Variants in ZGRF1 observed in about 807,000 individuals in gnomAD.
ZGRF1 encodes the protein 5'-3' DNA helicase ZGRF1.
ZGRF1 carries 196 observed loss-of-function variants against 203.5 expected under a neutral mutation model. The ratio of observed to expected loss-of-function variants is 0.96; its 90% confidence interval spans 0.86 to 1.08. ZGRF1 has a LOEUF of 1.08. ZGRF1 is among the 50% of genes least tolerant of loss of function. ZGRF1 has a pLI of 0.00. For missense variants in ZGRF1, 2,326 were observed against 2,416.3 expected (o/e 0.96, Z 0.78); for synonymous variants, 809 against 841.3 (o/e 0.96, Z 0.66).
At chr4:112,564,861 ATTC>A (rs1742708515) in intron 16 of ZGRF1, 1 of 609,402 alleles carries the variant, frequency 1.6e-6, no homozygotes, top group Non-Finnish European at 3.0e-6. Flanking sequence ...CACATTATAA[ATTC>A]TTTTTACTGA....
chr4:112,614,566 C>A (rs1304417080), intron 6 of ZGRF1, among the ~76,000 whole-genome samples: 1 of 152,174 alleles, frequency 6.6e-6, no homozygotes, highest in Admixed American at 6.6e-5. Flanking sequence ...CAGTGGCTCA[C>A]GCCTATAATC....
intron 10 of ZGRF1, among the ~76,000 whole-genome samples, chr4:112,593,395 T>C (rs1748494899): frequency 6.6e-6 from 1 of 152,218 alleles, no homozygotes; most frequent in Admixed American, 6.5e-5. Context: ...CTTCTACCAC[T>C]GTGTCCATCC....
At chr4:112,565,029 T>G in intron 16 of ZGRF1, 1 of 1,031,134 alleles carries the variant, frequency 9.7e-7, no homozygotes, top group Non-Finnish European at 1.5e-6. Context: ...CAACCGGTGG[T>G]AAACCACCCA....
chr4:112,576,827 G>A (rs1011344214), intron 16 of ZGRF1, among the ~76,000 whole-genome samples: 4 of 152,068 alleles, frequency 2.6e-5, no homozygotes, highest in African/African-American at 9.7e-5. Flanking sequence ...GTGACAGGGA[G>A]AATGGAACCA....
intron 11 of ZGRF1, 38 bp downstream of exon 11, chr4:112,589,686 T>C: frequency 1.9e-6 from 3 of 1,579,280 alleles, no homozygotes; most frequent in Non-Finnish European, 1.7e-6. Context: ...TCATCTTAAA[T>C]GAATAGACAG....
intron 9 of ZGRF1, among the ~76,000 whole-genome samples, chr4:112,604,481 G>A (rs548261112): frequency 4.6e-5 from 7 of 152,158 alleles, no homozygotes; most frequent in Admixed American, 1.3e-4. Context: ...CTTGTGAGCA[G>A]AGATGTTTTG....
At chr4:112,603,434 A>C (rs1214901691) in intron 10 of ZGRF1, 90 bp downstream of exon 10, 3 of 822,436 alleles carry the variant, frequency 3.6e-6, no homozygotes, top group Non-Finnish European at 5.6e-6. Context: ...TTAACTTATA[A>C]CTGTATAAAC....
chr4:112,618,382 G>A lies in ZGRF1; in HGVS notation c.1660C>T (p.Gln554Ter). 3 of 1,613,796 alleles carry A rather than the reference G, an allele frequency of 1.9e-6. No homozygotes were observed. The highest frequency in any genetic ancestry group is 2.5e-6 in the Non-Finnish European group (3 of 1,179,862). ...TCCTTTACCCAACTCTCTGAATCCTGGGAAATTTTGTTGCTTTCCTGTGAT... is the reference window on the plus strand; with the variant it reads ...TCCTTTACCCAACTCTCTGAATCCTAGGAAATTTTGTTGCTTTCCTGTGAT... ...EESQESNKIS[Q>*]DSESWVKDIL... The change falls in exon 6 of 28, where the codon CAG (glutamine) becomes TAG (stop). Residue 554 changes from glutamine (Q) to a stop codon, truncating the protein, a stop_gained. Coordinates refer to ENST00000505019, the MANE Select transcript of ZGRF1 (RefSeq NM_018392.5). LOFTEE classifies it high-confidence loss of function.
intron 16 of ZGRF1, among the ~76,000 whole-genome samples, chr4:112,571,338 T>G (rs1446643280): frequency 6.6e-6 from 1 of 151,886 alleles, no homozygotes; most frequent in Non-Finnish European, 1.5e-5. Context: ...GCCAAGTCAG[T>G]TCTTCGAAAA....
intron 15 of ZGRF1, among the ~76,000 whole-genome samples, chr4:112,582,254 AATT>A (rs1193410189): frequency 6.6e-6 from 1 of 151,202 alleles, no homozygotes; most frequent in East Asian, 1.9e-4. Flanking sequence ...ATATACAATA[AATT>A]ATTGTTAACT....
chr4:112,624,203 C>T (rs2047155613), intron 3 of ZGRF1, among the ~76,000 whole-genome samples: 1 of 150,960 alleles, frequency 6.6e-6, no homozygotes, highest in Admixed American at 6.6e-5. Flanking sequence ...TTAATTCCTA[C>T]CAGGAGGATA....
At chr4:112,597,751 G>A (rs1489057773) in intron 10 of ZGRF1, among the ~76,000 whole-genome samples, 4 of 151,460 alleles carry the variant, frequency 2.6e-5, no homozygotes, top group Admixed American at 2.6e-4. Flanking sequence ...GGACGTGGTG[G>A]TGCGTGCCTG....
At chr4:112,591,240 A>T (rs1748122460) in intron 10 of ZGRF1, among the ~76,000 whole-genome samples, 2 of 152,166 alleles carry the variant, frequency 1.3e-5, no homozygotes, top group Non-Finnish European at 2.9e-5. Flanking sequence ...CTTATTTTAC[A>T]ACTGGGAGAA....
At chr4:112,628,564 T>G (rs539798566) in intron 3 of ZGRF1, 1 of 455,916 alleles carries the variant, frequency 2.2e-6, no homozygotes, top group Admixed American at 2.4e-5. Flanking sequence ...ATATAAGCAA[T>G]AGCCTGCATT....
intron 16 of ZGRF1, among the ~76,000 whole-genome samples, chr4:112,568,380 C>T (rs371950002): frequency 4.6e-5 from 7 of 151,986 alleles, no homozygotes; most frequent in African/African-American, 1.7e-4. Flanking sequence ...TCTAAAACTC[C>T]CAGCCAGAAA....
In ZGRF1 at chr4:112,587,564, T is replaced by C. The variant is rs1217308095; in HGVS notation, c.3493A>G (p.Lys1165Glu). 1.9e-6 allele frequency: 3 copies of C among 1,613,912 alleles called. No individual in the cohort carries two copies. The highest frequency in any genetic ancestry group is 4.5e-5 in the East Asian group (2 of 44,880). Residue 1165 changes from lysine (K) to glutamate (E), a missense_variant, in exon 12 of 28, where the codon AAG becomes GAG. By Grantham distance (56) the Lys-to-Glu change is moderately conservative. Coordinates refer to ENST00000505019, the MANE Select transcript of ZGRF1 (RefSeq NM_018392.5). Reference sequence around the variant, plus strand: ...GCAAAGAAGCCATCAGTTATTCTCTTATCAACTCTGTTTGGAGTAGCCACG... The same window carrying C: ...GCAAAGAAGCCATCAGTTATTCTCTCATCAACTCTGTTTGGAGTAGCCACG... ...CNVATPNRVD[K>E]RITDGFFAEA...
At chr4:112,559,776 C>G (rs1203737859) in intron 19 of ZGRF1, among the ~76,000 whole-genome samples, 1 of 152,046 alleles carries the variant, frequency 6.6e-6, no homozygotes, top group Admixed American at 6.6e-5. Context: ...CAAAATCATA[C>G]AGCTAACAAA....
At chr4:112,565,800 C>T (rs983805034) in intron 16 of ZGRF1, among the ~76,000 whole-genome samples, 75 of 152,260 alleles carry the variant, frequency 4.9e-4, no homozygotes, top group Middle Eastern at 6.8e-3. Flanking sequence ...CAATGAGATA[C>T]CATCTCACAC....
chr4:112,634,550 C>T (rs191903769), intron 1 of ZGRF1, among the ~76,000 whole-genome samples: 129 of 152,004 alleles, frequency 8.5e-4, no homozygotes, highest in African/African-American at 2.5e-3. Context: ...ACTTGGGAGG[C>T]TGAGGCAGGA....
Sources: gnomAD v4.1 joint callset for allele counts (sites outside exome capture counted in the v4.1 genomes callset) on GRCh38, gnomAD v4.1.1 for gene constraint, MANE v1.5 for transcripts, NCBI Gene and HGNC (gene_info 2026-07-23, HGNC 2026-07-21) for gene names.